Variants in UCK2 observed in about 807,000 individuals in gnomAD.
UCK2 encodes cytidine monophosphokinase 2.
UCK2 carries 6 observed loss-of-function variants against 30.8 expected under a neutral mutation model. The ratio of observed to expected loss-of-function variants is 0.19; its 90% CI spans 0.11 to 0.38. UCK2 has a LOEUF of 0.38. UCK2 is among the 10% of genes least tolerant of loss of function. UCK2 has a pLI of 1.00. For missense variants in UCK2, 210 were observed against 339.8 expected, an observed-to-expected ratio of 0.62 and a Z score of 3.00; for synonymous variants, 125 against 133.6, an observed-to-expected ratio of 0.94 and a Z score of 0.45.
At chr1:165,891,424 T>C in intron 3 of UCK2, 102 bp downstream of exon 3, 1 of 1,038,956 alleles carries the variant, frequency 9.6e-7, no homozygotes, top group Non-Finnish European at 1.5e-6. Context: ...TTCAGACCTC[T>C]GTCCTACCCC....
chr1:165,831,320 G>T (rs920846033), intron 1 of UCK2, among the ~76,000 whole-genome samples: 1 of 152,170 alleles, frequency 6.6e-6, no homozygotes. Context: ...GGACTTGGAG[G>T]CTGCAGTGAG....
chr1:165,850,284 C>T (rs938420572), intron 1 of UCK2, among the ~76,000 whole-genome samples: 4 of 151,916 alleles, frequency 2.6e-5, no homozygotes, highest in Non-Finnish European at 4.4e-5. Context: ...GCATGCCCAA[C>T]CACGCCCGGC....
chr1:165,829,700 G>A (rs1312387918), intron 1 of UCK2, among the ~76,000 whole-genome samples: 1 of 152,140 alleles, frequency 6.6e-6, no homozygotes, highest in South Asian at 2.1e-4. Context: ...CAAGCTTTTG[G>A]TGTTACTTGG....
intron 1 of UCK2, among the ~76,000 whole-genome samples, chr1:165,858,725 A>G (rs1571276020): frequency 1.3e-5 from 2 of 152,152 alleles, no homozygotes; most frequent in Admixed American, 6.5e-5. Context: ...ACCCTGAGCC[A>G]TAGGAACTTC....
intron 6 of UCK2, 89 bp from the exon 7 acceptor site, chr1:165,907,595 C>T: frequency 1.3e-6 from 2 of 1,505,260 alleles, no homozygotes; most frequent in South Asian, 1.3e-5. Flanking sequence ...TACTGTGGTT[C>T]CTGCATGCCC....
At position 165,907,666 on chromosome 1, in the gene UCK2, C is replaced by A; in HGVS notation, c.647-18C>A. ...CCATGCCTGCACCCGTAACGCTCTG[C>A]TGGTCTCTGCCCCACAGTGGCCATC... On this transcript the variant is annotated intron_variant, in intron 6 of 6. Coordinates refer to ENST00000367879, the MANE Select transcript of UCK2 (RefSeq NM_012474.5). 1 of 1,613,562 alleles carries A rather than the reference C, an allele frequency of 6.2e-7. No individual in the cohort carries two copies. The highest frequency in any genetic ancestry group is 8.5e-7 in the Non-Finnish European group (1 of 1,179,658).
chr1:165,868,000 C>G (rs553469309), intron 1 of UCK2, among the ~76,000 whole-genome samples: 3 of 152,206 alleles, frequency 2.0e-5, no homozygotes, highest in African/African-American at 7.2e-5. Context: ...CAAAATCACT[C>G]TGATCCATGG....
intron 3 of UCK2, chr1:165,895,917 C>G: frequency 3.1e-6 from 1 of 319,920 alleles, no homozygotes; most frequent in Non-Finnish European, 5.6e-6. Flanking sequence ...TTTTTAATTC[C>G]AAGGAGAAGG....
intron 1 of UCK2, among the ~76,000 whole-genome samples, chr1:165,869,650 A>T (rs1655145936): frequency 1.5e-5 from 2 of 136,104 alleles, no homozygotes; most frequent in African/African-American, 2.7e-5. Flanking sequence ...AGAGAATCTC[A>T]TCATGGGCCT....
At chr1:165,896,454 T>C (rs1329246413) in intron 4 of UCK2, 122 bp downstream of exon 4, 3 of 1,162,852 alleles carry the variant, frequency 2.6e-6, no homozygotes, top group Non-Finnish European at 3.7e-6. Flanking sequence ...GAGGCAGCTG[T>C]GTGTCGCATG....
At chr1:165,850,964 T>A (rs1571271387) in intron 1 of UCK2, among the ~76,000 whole-genome samples, 1 of 132,194 alleles carries the variant, frequency 7.6e-6, no homozygotes, top group African/African-American at 2.8e-5. Context: ...TAATAGAGAA[T>A]GGGTCTCGCT....
In UCK2 at chr1:165,881,066, G is replaced by A. The variant is rs1029805909; in HGVS notation, c.100-9138G>A. Among the ~76,000 whole-genome samples the A allele has an allele frequency of 4.0e-5, 6 of 151,124 alleles. No homozygotes were observed. In the East Asian group the frequency reaches 5.9e-4, roughly 15 times the overall value. ...TGCACACCTATAGTCCCAGCTACTC[G>A]TTAAGCTGAGGCAGACGAATTGTTT... On this transcript the variant is annotated intron_variant, in intron 1 of 6. Transcript: ENST00000367879.
chr1:165,845,670 C>CATTG lies in UCK2; in HGVS notation c.99+17752_99+17755dup, dbSNP rs531653796. Among the ~76,000 whole-genome samples, 19 of 152,156 alleles carry CATTG rather than the reference C, an allele frequency of 1.2e-4. No individual in the cohort carries two copies. The East Asian group carries it at 3.5e-3, about 28-fold the overall frequency. On this transcript the variant is annotated intron_variant, in intron 1 of 6. Transcript: ENST00000367879. The stretch of plus-strand genomic sequence containing the variant: ...AGCTGCTGTTTTCTGTTTGTTTGTT[C>CATTG]ATTGATTGATTGATTGAGACACAGT...
At chr1:165,855,969 G>A (rs1654733426) in intron 1 of UCK2, among the ~76,000 whole-genome samples, 1 of 151,968 alleles carries the variant, frequency 6.6e-6, no homozygotes, top group Admixed American at 6.6e-5. Context: ...CTGGTCCAGC[G>A]GTTGGGAATC....
At chr1:165,887,915 T>C (rs1571293125) in intron 1 of UCK2, among the ~76,000 whole-genome samples, 1 of 152,182 alleles carries the variant, frequency 6.6e-6, no homozygotes, top group East Asian at 1.9e-4. Context: ...AAGTCCAGAG[T>C]AGTTTTAAAT....
chr1:165,847,757 G>A (rs978030308), intron 1 of UCK2, among the ~76,000 whole-genome samples: 2 of 151,944 alleles, frequency 1.3e-5, no homozygotes, highest in Non-Finnish European at 2.9e-5. Flanking sequence ...AGGGCTACAG[G>A]CATATGCCAC....
At chr1:165,873,334 T>G (rs183154955) in intron 1 of UCK2, among the ~76,000 whole-genome samples, 25 of 152,354 alleles carry the variant, frequency 1.6e-4, no homozygotes, top group African/African-American at 6.0e-4. Context: ...AAGAAACTGA[T>G]GGCCACCGTC....
intron 1 of UCK2, among the ~76,000 whole-genome samples, chr1:165,845,483 T>G (rs568279547): frequency 1.9e-4 from 29 of 152,326 alleles, no homozygotes; most frequent in African/African-American, 6.3e-4. Flanking sequence ...TCGCAACTCT[T>G]TGGAGAGCAT....
chr1:165,850,345 G>T (rs976259254), intron 1 of UCK2, among the ~76,000 whole-genome samples: 1 of 152,090 alleles, frequency 6.6e-6, no homozygotes, highest in Non-Finnish European at 1.5e-5. Context: ...GGTCAGGCTG[G>T]TCTCAAACTC....
Sources: gnomAD v4.1 joint callset for allele counts (sites outside exome capture counted in the v4.1 genomes callset) on GRCh38, gnomAD v4.1.1 for gene constraint, MANE v1.5 for transcripts, NCBI Gene and HGNC (gene_info 2026-07-23, HGNC 2026-07-21) for gene names.